The following GLIS3 variants were observed in gnomAD, a reference collection of about 807,000 sequenced individuals.
GLIS3 encodes the protein zinc finger protein GLIS3.
GLIS3 carries 53 observed loss-of-function variants against 78.6 expected under a neutral mutation model. The observed-to-expected ratio is 0.67, with a 90% CI of 0.54 to 0.85. GLIS3 has a LOEUF of 0.85. GLIS3 is among the 40% of genes least tolerant of loss of function. GLIS3 has a pLI of 0.00. For synonymous variants in GLIS3, 684 were observed against 509.9 expected, an observed-to-expected ratio of 1.34 and a Z score of -4.60; for missense variants, 1,703 against 1,231.1, an observed-to-expected ratio of 1.38 and a Z score of -5.74.
At chr9:4,411,875 A>T in the GLIS3 span, among the ~76,000 whole-genome samples, 2 of 152,238 alleles carry the variant, frequency 1.3e-5, no homozygotes, top group African/African-American at 4.8e-5. Context: ...ATAATTTTAA[A>T]AACACTTTTG....
chr9:4,236,526 G>A (rs74728299), intron 2 of GLIS3, among the ~76,000 whole-genome samples: 8,360 of 152,160 alleles, frequency 0.055, 323 homozygotes, highest in African/African-American at 0.097. Flanking sequence ...AATATTGGCT[G>A]TAACTGTAAG....
At chr9:4,183,551 T>C (rs1817515655) in intron 2 of GLIS3, among the ~76,000 whole-genome samples, 1 of 152,186 alleles carries the variant, frequency 6.6e-6, no homozygotes, top group Admixed American at 6.5e-5. Flanking sequence ...CCTAGTTCCT[T>C]GACTCCAAGC....
intron 4 of GLIS3, among the ~76,000 whole-genome samples, chr9:3,998,280 G>C (rs142374118): frequency 2.0e-5 from 3 of 152,282 alleles, no homozygotes; most frequent in African/African-American, 7.2e-5. Flanking sequence ...CATTAGTGCT[G>C]AATGTGTATA....
intron 2 of GLIS3, among the ~76,000 whole-genome samples, chr9:4,204,365 C>T (rs1254272215): frequency 2.0e-5 from 3 of 152,096 alleles, no homozygotes; most frequent in Non-Finnish European, 4.4e-5. Flanking sequence ...TTCAGGAACT[C>T]ATTAGGTCTG....
chr9:4,287,501 G>A (rs1828104471), intron 1 of GLIS3, among the ~76,000 whole-genome samples: 1 of 152,192 alleles, frequency 6.6e-6, no homozygotes, highest in South Asian at 2.1e-4. Context: ...AGGTGGTAAA[G>A]TGCCATGGTT....
chr9:4,280,256 C>G (rs896056513), intron 2 of GLIS3, among the ~76,000 whole-genome samples: 3 of 152,218 alleles, frequency 2.0e-5, no homozygotes, highest in Admixed American at 6.5e-5. Context: ...CTCCTGGCCT[C>G]AAGCCATCCG....
intron 2 of GLIS3, among the ~76,000 whole-genome samples, chr9:4,193,506 C>T (rs1187717285): frequency 1.3e-5 from 2 of 152,204 alleles, no homozygotes; most frequent in African/African-American, 2.4e-5. Context: ...AGTAAGATGG[C>T]TTCTGTAACT....
the GLIS3 span, among the ~76,000 whole-genome samples, chr9:4,391,550 G>GGT: frequency 0.12 from 17,810 of 146,048 alleles, 1,073 homozygotes; most frequent in Admixed American, 0.17. Context: ...TTCTAAGAGG[G>GGT]GTGTGTGTGT....
chr9:4,361,241 T>A, the GLIS3 span, among the ~76,000 whole-genome samples: 2 of 152,210 alleles, frequency 1.3e-5, no homozygotes, highest in African/African-American at 4.8e-5. Flanking sequence ...TAATGACTGG[T>A]GGATGTAAGG....
the GLIS3 span, among the ~76,000 whole-genome samples, chr9:4,377,860 A>G: frequency 6.6e-6 from 1 of 152,282 alleles, no homozygotes; most frequent in Non-Finnish European, 1.5e-5. Context: ...TCTCTAACCT[A>G]AGAAGTTTTT....
intron 4 of GLIS3, among the ~76,000 whole-genome samples, chr9:4,058,579 T>C (rs952278935): frequency 8.5e-5 from 13 of 152,196 alleles, no homozygotes; most frequent in African/African-American, 2.4e-5. Flanking sequence ...AATTCCAAAA[T>C]TGGGCCATCT....
chr9:3,858,267 A>G (rs1226479674), intron 8 of GLIS3, among the ~76,000 whole-genome samples: 2 of 152,178 alleles, frequency 1.3e-5, no homozygotes, highest in South Asian at 4.1e-4. Context: ...TGAATGGGCA[A>G]GTCAGCAAGT....
At chr9:4,058,890 G>C (rs576549037) in intron 4 of GLIS3, among the ~76,000 whole-genome samples, 4 of 151,734 alleles carry the variant, frequency 2.6e-5, no homozygotes, top group Admixed American at 6.6e-5. Context: ...GCTGAGGCAG[G>C]AGAATGGAAT....
the GLIS3 span, among the ~76,000 whole-genome samples, chr9:4,407,576 G>A: frequency 3.3e-5 from 5 of 152,222 alleles, no homozygotes; most frequent in African/African-American, 9.6e-5. Context: ...GAACCCGGGA[G>A]GCGGAGCTTG....
chr9:4,111,234 C>G (rs1831188243), intron 4 of GLIS3, among the ~76,000 whole-genome samples: 1 of 152,102 alleles, frequency 6.6e-6, no homozygotes, highest in Admixed American at 6.6e-5. Flanking sequence ...CAAATATGAA[C>G]TAAAAGGAAC....
chr9:4,190,294 G>C (rs1197860312), intron 2 of GLIS3, among the ~76,000 whole-genome samples: 1 of 152,182 alleles, frequency 6.6e-6, no homozygotes, highest in African/African-American at 2.4e-5. Context: ...AAAAATTTTA[G>C]ACGAATGTAT....
chr9:4,351,420 G>A (rs958187160), upstream of GLIS3, among the ~76,000 whole-genome samples: 6 of 150,862 alleles, frequency 4.0e-5, no homozygotes, highest in Non-Finnish European at 8.9e-5. Context: ...AAAAAGGGAG[G>A]GTGAGGAGAA....
intron 2 of GLIS3, among the ~76,000 whole-genome samples, chr9:4,314,958 G>A (rs1817416523): frequency 6.6e-6 from 1 of 152,186 alleles, no homozygotes; most frequent in South Asian, 2.1e-4. Flanking sequence ...GTGAAAATGG[G>A]AAGCCCCGAA....
intron 4 of GLIS3, among the ~76,000 whole-genome samples, chr9:3,991,843 A>G (rs1261095330): frequency 6.6e-6 from 1 of 151,880 alleles, no homozygotes; most frequent in Non-Finnish European, 1.5e-5. Context: ...GGCGCCTGCA[A>G]CCATGCCTGG....
Sources: gnomAD v4.1 joint callset for allele counts (sites outside exome capture counted in the v4.1 genomes callset) on GRCh38, gnomAD v4.1.1 for gene constraint, MANE v1.5 for transcripts, NCBI Gene and HGNC (gene_info 2026-07-23, HGNC 2026-07-21) for gene names.